Variants in KLRG1 observed in about 807,000 individuals in gnomAD.
KLRG1 encodes the protein killer cell lectin like receptor G1, also known as killer cell lectin-like receptor subfamily G member 1.
In KLRG1, 16 loss-of-function variants were observed where a neutral mutation model predicts 21.8. That is an observed-to-expected ratio of 0.73 (90% CI 0.50 to 1.11). The LOEUF is 1.11. KLRG1 is among the 50% of genes most tolerant of loss of function. The pLI is 0.00. For synonymous variants in KLRG1, 69 were observed against 75.9 expected (o/e 0.91, Z 0.47); for missense variants, 173 against 218.3 (o/e 0.79, Z 1.31).
chr12:8,969,991 C>A (rs971778819), intron 1 of KLRG1, among the ~76,000 whole-genome samples: 1 of 152,156 alleles, frequency 6.6e-6, no homozygotes, highest in African/African-American at 2.4e-5. Flanking sequence ...TGGTGCATGC[C>A]TGTGGTCTCA....
chr12:9,207,177 A>G, the KLRG1 span, among the ~76,000 whole-genome samples: 3 of 152,230 alleles, frequency 2.0e-5, no homozygotes, highest in Non-Finnish European at 2.9e-5. Flanking sequence ...CACACAGAGC[A>G]GAGGGACCCC....
chr12:9,121,844 C>G, the KLRG1 span, among the ~76,000 whole-genome samples: 1 of 152,142 alleles, frequency 6.6e-6, no homozygotes, highest in African/African-American at 2.4e-5. The surrounding 1 kb of genome is among the most constrained non-coding windows in gnomAD (Gnocchi z 4.4). Context: ...TTTATAGATA[C>G]TATCTCATCA....
the KLRG1 span, among the ~76,000 whole-genome samples, chr12:9,146,896 G>T: frequency 7.7e-6 from 1 of 130,204 alleles, no homozygotes; most frequent in African/African-American, 2.9e-5. Flanking sequence ...AGAGAAGTTG[G>T]AGTATTGGAT....
chr12:9,148,991 G>A, the KLRG1 span: 2 of 1,611,358 alleles, frequency 1.2e-6, no homozygotes, highest in East Asian at 2.2e-5. Context: ...TCCATGCTCT[G>A]TATCTATGGA....
At chr12:9,061,920 CA>C in the KLRG1 span, among the ~76,000 whole-genome samples, 24 of 151,978 alleles carry the variant, frequency 1.6e-4, no homozygotes, top group Non-Finnish European at 2.9e-4. Context: ...ACCAACCCCC[CA>C]AAATATGGTG....
At chr12:9,203,468 G>A in the KLRG1 span, among the ~76,000 whole-genome samples, 4 of 151,286 alleles carry the variant, frequency 2.6e-5, no homozygotes, top group African/African-American at 4.9e-5. Context: ...CAGCCTCCCA[G>A]GTAGCTGGGA....
chr12:9,076,894 A>G, the KLRG1 span: 2 of 1,610,250 alleles, frequency 1.2e-6, no homozygotes, highest in Non-Finnish European at 1.7e-6. Flanking sequence ...GCTGTCTTCC[A>G]GGCTGACTCC....
At chr12:9,087,350 ATTTATGGCAGCATGAT>A in the KLRG1 span, among the ~76,000 whole-genome samples, 10 of 152,194 alleles carry the variant, frequency 6.6e-5, no homozygotes, top group Non-Finnish European at 1.3e-4. Flanking sequence ...ACATTCTGCT[ATTTATGGCAGCATGAT>A]TAAATCTGGA....
the KLRG1 span, among the ~76,000 whole-genome samples, chr12:9,171,201 C>T: frequency 0.59 from 90,259 of 151,946 alleles, 27,744 homozygotes; most frequent in East Asian, 0.83. Flanking sequence ...CTTCCACGTA[C>T]GGGAGAAACC....
At chr12:9,022,643 C>T in the KLRG1 span, among the ~76,000 whole-genome samples, 2 of 152,044 alleles carry the variant, frequency 1.3e-5, no homozygotes, top group African/African-American at 4.8e-5. Context: ...TTTAGCCCCA[C>T]CCCTCAACTC....
chr12:9,110,020 G>T, the KLRG1 span: 1 of 1,611,004 alleles, frequency 6.2e-7, no homozygotes, highest in African/African-American at 1.3e-5. Context: ...TGTGCGATGC[G>T]ATTTCCTTTG....
At chr12:9,063,365 C>T in the KLRG1 span, among the ~76,000 whole-genome samples, 1 of 152,048 alleles carries the variant, frequency 6.6e-6, no homozygotes, top group African/African-American at 2.4e-5. Context: ...AGTGGTGAGT[C>T]ACATATAAGA....
chr12:8,975,810 C>T (rs1946648861), intron 1 of KLRG1, among the ~76,000 whole-genome samples: 1 of 152,188 alleles, frequency 6.6e-6, no homozygotes, highest in African/African-American at 2.4e-5. Context: ...GATCCGCCCA[C>T]CTTGGCCTCC....
At chr12:9,210,344 G>GT in the KLRG1 span, among the ~76,000 whole-genome samples, 5 of 152,100 alleles carry the variant, frequency 3.3e-5, no homozygotes, top group African/African-American at 4.8e-5. Context: ...TCTACCATCA[G>GT]TTTGATATCT....
chr12:8,965,996 A>G (rs1946464680), intron 1 of KLRG1, among the ~76,000 whole-genome samples: 1 of 152,172 alleles, frequency 6.6e-6, no homozygotes, highest in African/African-American at 2.4e-5. Context: ...AGAGATATAG[A>G]CCAATGGAAC....
chr12:9,161,185 G>A, the KLRG1 span: 2 of 1,314,640 alleles, frequency 1.5e-6, no homozygotes, highest in East Asian at 4.7e-5. Context: ...TGATTATAAT[G>A]TAGTGAGAGC....
the KLRG1 span, chr12:9,112,414 G>A: frequency 6.2e-7 from 1 of 1,613,910 alleles, no homozygotes; most frequent in Admixed American, 1.7e-5. Context: ...TGTCTGTCTG[G>A]ACAAAGACCA....
the KLRG1 span, among the ~76,000 whole-genome samples, chr12:9,046,262 A>T: frequency 1.3e-5 from 2 of 152,248 alleles, no homozygotes; most frequent in African/African-American, 2.4e-5. Context: ...GAACTATGGG[A>T]CAATTATGAA....
chr12:9,169,323 A>G, the KLRG1 span: 3 of 1,119,064 alleles, frequency 2.7e-6, no homozygotes, highest in South Asian at 5.5e-5. Flanking sequence ...CTGCTGAAAA[A>G]TGGAGAGGCA....
Sources: allele counts gnomAD v4.1 joint callset (sites outside exome capture counted in the v4.1 genomes callset), GRCh38; gene constraint gnomAD v4.1.1; non-coding constraint Gnocchi (gnomAD v3.1); transcripts MANE v1.5; gene names NCBI Gene and HGNC (gene_info 2026-07-23, HGNC 2026-07-21).